CHL1: variants seen among roughly 807,000 people sequenced by gnomAD.
The protein encoded by CHL1 is cell adhesion molecule L1 like, also known as neural cell adhesion molecule L1-like protein.
CHL1 carries 96 observed loss-of-function variants against 141.9 expected under a neutral mutation model. The observed-to-expected ratio is 0.68, with a 90% CI of 0.57 to 0.80. The LOEUF is 0.80. Ranked by LOEUF, CHL1 falls within the 30% of genes least tolerant of loss-of-function variation. The pLI is 0.00. For synonymous variants in CHL1, 613 were observed against 502.2 expected, an observed-to-expected ratio of 1.22 and a Z score of -2.95; for missense variants, 1,820 against 1,457.2, an observed-to-expected ratio of 1.25 and a Z score of -4.05.
At chr3:222,652 T>G (rs1383848332) in intron 1 of CHL1, among the ~76,000 whole-genome samples, 1 of 152,204 alleles carries the variant, frequency 6.6e-6, no homozygotes, top group Non-Finnish European at 1.5e-5. Flanking sequence ...GGCACTATTT[T>G]GTAGAAAGGC....
chr3:278,318 C>G (rs1223347226), intron 2 of CHL1, among the ~76,000 whole-genome samples: 1 of 152,192 alleles, frequency 6.6e-6, no homozygotes, highest in South Asian at 2.1e-4. Context: ...CCACTGAAAT[C>G]ATTTACTAGT....
At chr3:267,090 T>C (rs1178026565) in intron 2 of CHL1, among the ~76,000 whole-genome samples, 3 of 152,230 alleles carry the variant, frequency 2.0e-5, no homozygotes, top group African/African-American at 4.8e-5. Flanking sequence ...GCAGTATGTA[T>C]TTCCTATTTC....
At chr3:351,292 G>A (rs542476670) in intron 10 of CHL1, among the ~76,000 whole-genome samples, 10 of 152,294 alleles carry the variant, frequency 6.6e-5, no homozygotes, top group South Asian at 2.1e-4. Context: ...TCATAAAACA[G>A]CTATTAGCAC....
chr3:302,363 C>G (rs1037709723), intron 2 of CHL1, among the ~76,000 whole-genome samples: 3 of 152,234 alleles, frequency 2.0e-5, no homozygotes, highest in African/African-American at 7.2e-5. Flanking sequence ...CTCCCACCAA[C>G]AGTGTAAAAG....
rs1184822212 is a variant in CHL1 at position 366,090 on chromosome 3, G to A, written c.1726G>A (p.Glu576Lys). Residue 576 changes from glutamate (E) to lysine (K), a missense_variant, in exon 15 of 28, where the codon GAA (glutamate) becomes AAA (lysine). By Grantham distance (56) the Glu-to-Lys change is moderately conservative. Transcript: ENST00000256509. ...CTGGAGTAAAGATGGAGAAGCCTTT[G>A]AAATTAATGGCACAGAAGATGGCAG... is the stretch of plus-strand genomic sequence containing the variant. ...LSWSKDGEAF[E>K]INGTEDGRII... The A allele has an allele frequency of 6.2e-7, 1 of 1,613,796 alleles. No individual in the cohort carries two copies. Among genetic ancestry groups the A allele is most frequent in the Middle Eastern group, 1.7e-4 (1 of 6,056 alleles).
chr3:354,733 C>T lies in CHL1; in HGVS notation c.1127C>T (p.Pro376Leu), dbSNP rs1703567347. 1 of 1,613,896 alleles carries T rather than the reference C, an allele frequency of 6.2e-7. No individual in the cohort carries two copies. Among genetic ancestry groups the T allele is most frequent in the Non-Finnish European group, 8.5e-7 (1 of 1,179,880 alleles). The part of the protein sequence containing the change: ...LLCEAEGEPQ[P>L]TIKWRVNGSP... ...TGTGAGGCTGAAGGAGAACCTCAAC[C>T]CACAATCAAGTGGAGAGTCAATGGC... The change falls in exon 11 of 28, where the codon CCC becomes CTC. Residue 376 changes from proline to leucine, a missense_variant. Transcript: ENST00000256509.
intron 8 of CHL1, among the ~76,000 whole-genome samples, chr3:344,155 A>G (rs751316436): frequency 3.9e-5 from 6 of 152,138 alleles, no homozygotes; most frequent in Non-Finnish European, 8.8e-5. Context: ...CTCAGTGAGA[A>G]TTTCTGAGTG....
intron 1 of CHL1, among the ~76,000 whole-genome samples, chr3:199,122 C>T (rs1300699680): frequency 6.6e-6 from 1 of 152,310 alleles, no homozygotes; most frequent in Middle Eastern, 3.4e-3. Flanking sequence ...GTTACAGAGC[C>T]TATGTATACC....
chr3:379,554 T>C (rs13315120), intron 16 of CHL1, among the ~76,000 whole-genome samples: 4,659 of 152,242 alleles, frequency 0.031, 248 homozygotes, highest in African/African-American at 0.11. Context: ...TGTCCCTAAG[T>C]ATTTTGAGCA....
At chr3:258,389 C>T (rs1319134714) in intron 2 of CHL1, among the ~76,000 whole-genome samples, 1 of 152,232 alleles carries the variant, frequency 6.6e-6, no homozygotes, top group African/African-American at 2.4e-5. Flanking sequence ...ACATCTACTT[C>T]CACATCTCTC....
chr3:317,646 C>G (rs1391624563), intron 2 of CHL1, among the ~76,000 whole-genome samples: 1 of 142,868 alleles, frequency 7.0e-6, no homozygotes, highest in Non-Finnish European at 1.5e-5. Flanking sequence ...TATTACCAAA[C>G]TGTTTCAGAA....
chr3:238,087 C>G (rs1692171909), intron 1 of CHL1, among the ~76,000 whole-genome samples: 1 of 152,078 alleles, frequency 6.6e-6, no homozygotes, highest in African/African-American at 2.4e-5. Flanking sequence ...TTCATTTTTG[C>G]AGTACTAGTA....
At chr3:356,902 GT>G (rs1222626562) in intron 11 of CHL1, among the ~76,000 whole-genome samples, 1 of 152,190 alleles carries the variant, frequency 6.6e-6, no homozygotes, top group African/African-American at 2.4e-5. Context: ...AAGCAGAAGA[GT>G]GACACAATCT....
At chr3:207,005 C>T (rs544515162) in intron 1 of CHL1, among the ~76,000 whole-genome samples, 3 of 152,114 alleles carry the variant, frequency 2.0e-5, no homozygotes, top group South Asian at 2.1e-4. Context: ...TTCTTGAAAA[C>T]GGCTTGAAAA....
At chr3:319,377 A>C (rs1004310702) in intron 2 of CHL1, among the ~76,000 whole-genome samples, 4 of 151,788 alleles carry the variant, frequency 2.6e-5, no homozygotes, top group South Asian at 2.1e-4. Flanking sequence ...TCTAAAATAG[A>C]AGTTGAGAAT....
intron 13 of CHL1, among the ~76,000 whole-genome samples, chr3:362,303 T>C (rs1025434744): frequency 2.6e-5 from 4 of 152,180 alleles, no homozygotes; most frequent in Admixed American, 1.3e-4. Context: ...TATTAGTTGC[T>C]TTACTGAAAA....
chr3:223,312 C>T (rs1002371647), intron 1 of CHL1, among the ~76,000 whole-genome samples: 3 of 152,154 alleles, frequency 2.0e-5, no homozygotes, highest in Non-Finnish European at 4.4e-5. Context: ...CAAATTTGCA[C>T]TATGAAGTTA....
intron 1 of CHL1, among the ~76,000 whole-genome samples, chr3:220,915 CAATT>C (rs1700774658): frequency 6.6e-6 from 1 of 152,140 alleles, no homozygotes; most frequent in Non-Finnish European, 1.5e-5. Flanking sequence ...CATTTACAAT[CAATT>C]GTCTCTGAAG....
At chr3:364,896 G>T (rs1432359547) in intron 14 of CHL1, among the ~76,000 whole-genome samples, 1 of 152,100 alleles carries the variant, frequency 6.6e-6, no homozygotes, top group Admixed American at 6.5e-5. Context: ...GCATTACTTA[G>T]CAGAGCCCTG....
Sources: allele counts gnomAD v4.1 joint callset (sites outside exome capture counted in the v4.1 genomes callset), GRCh38; gene constraint gnomAD v4.1.1; transcripts MANE v1.5; gene names NCBI Gene and HGNC (gene_info 2026-07-23, HGNC 2026-07-21).